Variants in WBP1L observed in about 807,000 individuals in gnomAD.
WBP1L encodes WW domain binding protein 1 like, also known as WW domain binding protein 1-like.
In WBP1L, 17 loss-of-function variants were observed where a neutral mutation model predicts 33.7. The ratio of observed to expected loss-of-function variants is 0.50; its 90% CI spans 0.34 to 0.76. The LOEUF is 0.76. Ranked by LOEUF, WBP1L falls within the 30% of genes least tolerant of loss-of-function variation. The probability of loss-of-function intolerance (pLI) is 0.01; values close to 1 mark genes in which losing one functional copy is unlikely to be tolerated. For missense variants in WBP1L, 389 were observed against 469.4 expected (o/e 0.83, Z 1.58); for synonymous variants, 173 against 190.8 (o/e 0.91, Z 0.77).
intron 2 of WBP1L, among the ~76,000 whole-genome samples, chr10:102,806,351 C>G (rs1843734937): frequency 6.6e-6 from 1 of 151,990 alleles, no homozygotes; most frequent in Non-Finnish European, 1.5e-5. Flanking sequence ...ATAATTTAGA[C>G]TTGACTCCGA....
chr10:102,769,269 C>G (rs551247544), intron 1 of WBP1L, among the ~76,000 whole-genome samples: 23 of 152,270 alleles, frequency 1.5e-4, no homozygotes, highest in African/African-American at 5.5e-4. Flanking sequence ...CCACTGTGTT[C>G]AGCTCTTGAT....
chr10:102,751,370 T>C (rs1454145023), intron 1 of WBP1L, among the ~76,000 whole-genome samples: 2 of 150,366 alleles, frequency 1.3e-5, no homozygotes, highest in African/African-American at 4.9e-5. Context: ...CAGGCTGAAG[T>C]GCAGTGGTGC....
chr10:102,810,565 T>TTTC (rs1192532717), intron 3 of WBP1L, among the ~76,000 whole-genome samples: 1 of 8,028 alleles, frequency 1.2e-4, no homozygotes, highest in Admixed American at 1.7e-3. Flanking sequence ...TCTCTATTTC[T>TTTC]TTTTTTTTTT....
intron 1 of WBP1L, among the ~76,000 whole-genome samples, chr10:102,758,196 T>A (rs1337102275): frequency 6.6e-6 from 1 of 151,980 alleles, no homozygotes; most frequent in Non-Finnish European, 1.5e-5. Flanking sequence ...TTTTTTTTTT[T>A]AGTAACAGTT....
At position 102,784,541 on chromosome 10, in the gene WBP1L, C is replaced by T. The variant is rs59155312; in HGVS notation, c.91-13452C>T. ...CCTGGGTTCACGCCTTTCTCCTGCC[C>T]CAGCCTCCCAAGTAGCTGGGACTAC... On this transcript the variant is annotated intron_variant, in intron 1 of 3. Transcript: ENST00000448841. Among the ~76,000 whole-genome samples, 340 of 151,256 alleles carry T rather than the reference C, an allele frequency of 2.2e-3. No homozygotes were observed. The East Asian group carries it at 0.026, about 12-fold the overall frequency.
intron 1 of WBP1L, among the ~76,000 whole-genome samples, chr10:102,748,212 C>T (rs1360354900): frequency 1.3e-5 from 2 of 151,590 alleles, no homozygotes; most frequent in African/African-American, 2.4e-5. Flanking sequence ...GCCGAGGTCG[C>T]GCCACTGCAC....
At chr10:102,767,353 A>G (rs1369457460) in intron 1 of WBP1L, among the ~76,000 whole-genome samples, 1 of 152,184 alleles carries the variant, frequency 6.6e-6, no homozygotes, top group Non-Finnish European at 1.5e-5. Flanking sequence ...AGCTTCTGCT[A>G]CTTTTATTTC....
chr10:102,814,885 T>A lies in WBP1L; in HGVS notation c.*1554T>A, dbSNP rs284853. ...GGAAGAAAGAAAGAAACAAACAAAA[T>A]ATATATATATATGTCCAAAAACAGA... On this transcript the variant is annotated 3_prime_UTR_variant, in exon 4 of 4. Transcript: ENST00000448841. 124,220 of 152,370 alleles carry A rather than the reference T, an allele frequency of 0.82. 51,180 individuals carry two copies. Among genetic ancestry groups the A allele is most frequent in the Middle Eastern group, 0.91 (267 of 294 alleles). The allele number at this position is 152,370 out of a possible 1,614,324, so 9.4% of individuals were successfully genotyped here.
At chr10:102,803,344 G>A (rs2134062819) in intron 2 of WBP1L, among the ~76,000 whole-genome samples, 1 of 152,324 alleles carries the variant, frequency 6.6e-6, no homozygotes, top group East Asian at 1.9e-4. Context: ...CCTGCCAGTT[G>A]AAGAGTGGTG....
chr10:102,766,626 AAC>A (rs1843114624), intron 1 of WBP1L, among the ~76,000 whole-genome samples: 1 of 151,706 alleles, frequency 6.6e-6, no homozygotes, highest in Admixed American at 6.6e-5. Context: ...CTGTCTCAAA[AAC>A]AAAAAGCCGG....
chr10:102,811,571 C>T (rs1590195947), intron 3 of WBP1L, among the ~76,000 whole-genome samples: 1 of 152,156 alleles, frequency 6.6e-6, no homozygotes, highest in Non-Finnish European at 1.5e-5. Context: ...ACTGCAGTGG[C>T]GTGATCTTGG....
intron 1 of WBP1L, among the ~76,000 whole-genome samples, chr10:102,774,539 G>T (rs932003060): frequency 4.6e-5 from 7 of 152,184 alleles, no homozygotes; most frequent in African/African-American, 1.7e-4. Context: ...CATCATTGGG[G>T]ACCTGCGGTA....
chr10:102,757,260 A>G (rs2134028962), intron 1 of WBP1L, among the ~76,000 whole-genome samples: 1 of 152,300 alleles, frequency 6.6e-6, no homozygotes, highest in South Asian at 2.1e-4. Context: ...CCTGGCCTCA[A>G]GTGCTTCTGC....
chr10:102,809,597 T>C (rs956019943), intron 2 of WBP1L, among the ~76,000 whole-genome samples: 12 of 152,220 alleles, frequency 7.9e-5, no homozygotes, highest in African/African-American at 2.9e-4. Context: ...GGTCTCGAAC[T>C]CCTGACCTCA....
At chr10:102,760,376 CTTTTTT>C (rs71019612) in intron 1 of WBP1L, among the ~76,000 whole-genome samples, 9 of 96,214 alleles carry the variant, frequency 9.4e-5, no homozygotes, top group African/African-American at 3.8e-4. Context: ...TTCTTTCTTT[CTTTTTT>C]TTTTTTTTTT....
chr10:102,746,006 C>G (rs1842860013), intron 1 of WBP1L: 1 of 272,934 alleles, frequency 3.7e-6, no homozygotes, highest in Non-Finnish European at 5.6e-6. Flanking sequence ...CTGTAAGTAT[C>G]TCGAAAAGGC....
intron 2 of WBP1L, among the ~76,000 whole-genome samples, chr10:102,803,682 C>T (rs1478983757): frequency 6.6e-6 from 1 of 151,046 alleles, no homozygotes; most frequent in Non-Finnish European, 1.5e-5. Flanking sequence ...TATCTTGGCT[C>T]ACTGCAAGCT....
chr10:102,797,385 T>C (rs929752101), intron 1 of WBP1L, among the ~76,000 whole-genome samples: 2 of 152,332 alleles, frequency 1.3e-5, no homozygotes, highest in South Asian at 4.1e-4. Flanking sequence ...ATGTTTCTAC[T>C]TGGACCTAAA....
intron 1 of WBP1L, among the ~76,000 whole-genome samples, chr10:102,774,272 A>G (rs1025086505): frequency 3.9e-5 from 6 of 152,110 alleles, no homozygotes; most frequent in African/African-American, 9.7e-5. Context: ...CCTTGTCTGT[A>G]TGGCAGTTTG....
Sources: gnomAD v4.1 joint callset for allele counts (sites outside exome capture counted in the v4.1 genomes callset) on GRCh38, gnomAD v4.1.1 for gene constraint, MANE v1.5 for transcripts, NCBI Gene and HGNC (gene_info 2026-07-23, HGNC 2026-07-21) for gene names.